The following CLIP4 variants were observed in gnomAD, a reference collection of about 807,000 sequenced individuals.
CLIP4 encodes CAP-Gly domain-containing linker protein 4.
In CLIP4, 47 loss-of-function variants were observed where a neutral mutation model predicts 73.1. That is an observed-to-expected ratio of 0.64 (90% CI 0.51 to 0.82). The LOEUF (loss-of-function observed/expected upper bound fraction) is 0.82, where lower values mean the gene tolerates loss of function less well. CLIP4 is among the 40% of genes least tolerant of loss of function. The pLI, the probability that CLIP4 is intolerant of heterozygous loss-of-function variation, is 0.00. For synonymous variants in CLIP4, 306 were observed against 295.4 expected, an observed-to-expected ratio of 1.04 and a Z score of -0.37; for missense variants, 874 against 852.9, an observed-to-expected ratio of 1.02 and a Z score of -0.31.
At chr2:29,147,177 A>T in intron 8 of CLIP4, among the ~76,000 whole-genome samples, 1 of 151,972 alleles carries the variant, frequency 6.6e-6, no homozygotes, top group South Asian at 2.1e-4. Flanking sequence ...AAATTTCTAT[A>T]TTTTAATTGG....
At chr2:29,122,462 C>T (rs895425651) in intron 2 of CLIP4, among the ~76,000 whole-genome samples, 2 of 152,064 alleles carry the variant, frequency 1.3e-5, no homozygotes, top group East Asian at 1.9e-4. Flanking sequence ...ATCTTGACTT[C>T]TAATTGTCTT....
At chr2:29,159,566 G>T (rs1667150897) in intron 11 of CLIP4, among the ~76,000 whole-genome samples, 1 of 151,706 alleles carries the variant, frequency 6.6e-6, no homozygotes, top group Non-Finnish European at 1.5e-5. Flanking sequence ...ACTACTTTTG[G>T]CTGGTCACAG....
At chr2:29,140,137 GT>G in intron 6 of CLIP4, among the ~76,000 whole-genome samples, 1 of 151,936 alleles carries the variant, frequency 6.6e-6, no homozygotes, top group Non-Finnish European at 1.5e-5. Context: ...GTGCAGGTTA[GT>G]TACATATGTA....
chr2:29,128,490 TAATC>T (rs1166147026), intron 2 of CLIP4, among the ~76,000 whole-genome samples: 7 of 151,978 alleles, frequency 4.6e-5, no homozygotes, highest in Non-Finnish European at 5.9e-5. Flanking sequence ...GAGAGAAACT[TAATC>T]AAAGACAGCA....
At chr2:29,100,152 A>G (rs1158108802) in intron 1 of CLIP4, among the ~76,000 whole-genome samples, 1 of 151,568 alleles carries the variant, frequency 6.6e-6, no homozygotes, top group African/African-American at 2.4e-5. Flanking sequence ...CTGGTCTCAA[A>G]CTCCTGAGCT....
chr2:29,157,088 G>C, intron 10 of CLIP4, 116 bp from the exon 11 acceptor site: 1 of 847,112 alleles, frequency 1.2e-6, no homozygotes, highest in Non-Finnish European at 2.0e-6. Context: ...TTTGACACTA[G>C]ATAATCCATA....
chr2:29,103,670 C>T (rs1668115626), intron 1 of CLIP4, among the ~76,000 whole-genome samples: 1 of 150,194 alleles, frequency 6.7e-6, no homozygotes. Context: ...CAACTTGTTT[C>T]AATTTTCGTG....
At chr2:29,101,573 T>C (rs1668051036) in intron 1 of CLIP4, among the ~76,000 whole-genome samples, 1 of 152,128 alleles carries the variant, frequency 6.6e-6, no homozygotes, top group African/African-American at 2.4e-5. Flanking sequence ...CCACCTGGAT[T>C]GAGGGTGGGT....
At chr2:29,168,682 C>T (rs926196946) in intron 14 of CLIP4, among the ~76,000 whole-genome samples, 1 of 151,652 alleles carries the variant, frequency 6.6e-6, no homozygotes, top group Non-Finnish European at 1.5e-5. Context: ...GCCACCACGC[C>T]CGGCTAATTT....
At chr2:29,171,013 T>C (rs1453854448) in intron 14 of CLIP4, among the ~76,000 whole-genome samples, 1 of 152,186 alleles carries the variant, frequency 6.6e-6, no homozygotes, top group Non-Finnish European at 1.5e-5. Context: ...TTATAGTAAT[T>C]CTTCAGGTTG....
At chr2:29,128,448 A>C (rs1357939669) in intron 2 of CLIP4, among the ~76,000 whole-genome samples, 1 of 151,002 alleles carries the variant, frequency 6.6e-6, no homozygotes, top group Non-Finnish European at 1.5e-5. Context: ...AAAAACAAAA[A>C]CAAAAAAAAA....
At chr2:29,154,492 C>G (rs1021456589) in intron 9 of CLIP4, among the ~76,000 whole-genome samples, 4 of 152,204 alleles carry the variant, frequency 2.6e-5, no homozygotes, top group African/African-American at 9.7e-5. Flanking sequence ...ATGGAATCCA[C>G]ATTGGTTTTT....
At chr2:29,132,301 A>C (rs1665030708) in intron 4 of CLIP4, 56 bp downstream of exon 4, 1 of 1,392,998 alleles carries the variant, frequency 7.2e-7, no homozygotes, top group African/African-American at 1.4e-5. Flanking sequence ...GTGCTTAGAT[A>C]ATCTATATTT....
chr2:29,176,625 C>T (rs1049843283), intron 15 of CLIP4, among the ~76,000 whole-genome samples: 24 of 152,168 alleles, frequency 1.6e-4, no homozygotes, highest in African/African-American at 5.5e-4. Context: ...TGTCCAGTGC[C>T]AAGAATGAGC....
In CLIP4 at chr2:29,165,386, A is replaced by G. The variant is rs142038947; in HGVS notation, c.1658+1432A>G. Reference sequence around the variant, plus strand: ...TTAACCTGTTTACTGCTCTCCAGTAACCCTGTGGTGCAGGCACCATGTTCC... The same window carrying G: ...TTAACCTGTTTACTGCTCTCCAGTAGCCCTGTGGTGCAGGCACCATGTTCC... On this transcript the variant is annotated intron_variant, in intron 13 of 15. Coordinates refer to ENST00000320081, the MANE Select transcript of CLIP4 (RefSeq NM_024692.6). Among the ~76,000 whole-genome samples the G allele has an allele frequency of 5.0e-3, 764 of 152,222 alleles. 9 individuals carry two copies. The highest frequency in any genetic ancestry group is 5.9e-3 in the Non-Finnish European group (403 of 67,990).
At chr2:29,106,179 T>C (rs187190777) in intron 1 of CLIP4, among the ~76,000 whole-genome samples, 1 of 152,262 alleles carries the variant, frequency 6.6e-6, no homozygotes, top group Non-Finnish European at 1.5e-5. Context: ...ACCTGATTTC[T>C]CCAACTGGAA....
At chr2:29,105,703 G>T (rs1024777444) in intron 1 of CLIP4, among the ~76,000 whole-genome samples, 54 of 152,190 alleles carry the variant, frequency 3.5e-4, no homozygotes, top group African/African-American at 1.1e-3. Context: ...CCATTGTGAG[G>T]GGTTTTTGGA....
At chr2:29,119,821 A>C (rs769074277) in intron 1 of CLIP4, among the ~76,000 whole-genome samples, 4 of 152,230 alleles carry the variant, frequency 2.6e-5, no homozygotes, top group Non-Finnish European at 5.9e-5. Flanking sequence ...TATGATTCTT[A>C]GAAGCTCCAA....
chr2:29,108,450 G>A (rs926366939), intron 1 of CLIP4, among the ~76,000 whole-genome samples: 2 of 152,138 alleles, frequency 1.3e-5, no homozygotes, highest in East Asian at 1.9e-4. Context: ...GATGGCGTGA[G>A]ATTTCATCAT....
Sources: allele counts gnomAD v4.1 joint callset (sites outside exome capture counted in the v4.1 genomes callset), GRCh38; gene constraint gnomAD v4.1.1; transcripts MANE v1.5; gene names NCBI Gene and HGNC (gene_info 2026-07-23, HGNC 2026-07-21).